PDZD2: variants seen among roughly 807,000 people sequenced by gnomAD.
PDZD2 encodes the protein PDZ domain containing 2, also known as PDZ domain-containing protein 2.
Under a neutral mutation model 220.7 loss-of-function variants are expected in PDZD2, and 90 were observed. The observed-to-expected ratio is 0.41, with a 90% CI of 0.34 to 0.49. PDZD2 has a LOEUF of 0.49. Among genes scored for constraint, PDZD2 ranks in the 20% least tolerant of loss-of-function variants. The pLI, the probability that PDZD2 is intolerant of heterozygous loss-of-function variation, is 0.28. For synonymous variants in PDZD2, 1,375 were observed against 1,450.5 expected, an observed-to-expected ratio of 0.95 and a Z score of 1.18; for missense variants, 3,174 against 3,608.5, an observed-to-expected ratio of 0.88 and a Z score of 3.08.
chr5:31,971,497 A>T (rs912613238), intron 2 of PDZD2, among the ~76,000 whole-genome samples: 1 of 152,238 alleles, frequency 6.6e-6, no homozygotes. Context: ...GGAGGGACAC[A>T]TACACTAAAA....
chr5:31,891,127 C>CT lies in PDZD2; in HGVS notation c.476+91430dup, dbSNP rs869189606. Among the ~76,000 whole-genome samples the CT allele has an allele frequency of 6.8e-3, 654 of 96,410 alleles. 36 individuals carry two copies. Among genetic ancestry groups the CT allele is most frequent in the East Asian group, 0.015 (53 of 3,560 alleles). The allele number at this position is 96,410 out of a possible 152,430, so 63.2% of individuals were successfully genotyped here. On this transcript the variant is annotated intron_variant, in intron 2 of 24. Coordinates refer to ENST00000438447, the MANE Select transcript of PDZD2 (RefSeq NM_178140.4). ...TGTAAGCAAAGCTCAGGGGTTTTTC[C>CT]TTTTTTTTTTTTTTTTTTTTTTTTT...
chr5:32,043,151 G>C (rs545755990), intron 7 of PDZD2, among the ~76,000 whole-genome samples: 215 of 152,318 alleles, frequency 1.4e-3, no homozygotes, highest in Non-Finnish European at 2.6e-3. Context: ...ATATGGGGAG[G>C]GGGCGCTGGA....
chr5:31,975,667 G>C (rs1749683944), intron 2 of PDZD2, among the ~76,000 whole-genome samples: 1 of 152,070 alleles, frequency 6.6e-6, no homozygotes, highest in Non-Finnish European at 1.5e-5. Flanking sequence ...CCTAGGCCTA[G>C]ACTCTGACCT....
intron 24 of PDZD2, among the ~76,000 whole-genome samples, chr5:32,104,119 A>G (rs542131479): frequency 3.3e-5 from 5 of 152,192 alleles, no homozygotes; most frequent in African/African-American, 1.2e-4. Flanking sequence ...TAAAGATGTC[A>G]TTATCTGGCC....
At chr5:31,675,783 A>G (rs919355103) in intron 1 of PDZD2, among the ~76,000 whole-genome samples, 3 of 152,076 alleles carry the variant, frequency 2.0e-5, no homozygotes, top group Admixed American at 2.0e-4. Flanking sequence ...AGCAACGTCC[A>G]CCTCCTGGGC....
At chr5:31,708,848 GATGGC>G (rs1747944789) in intron 1 of PDZD2, among the ~76,000 whole-genome samples, 1 of 151,120 alleles carries the variant, frequency 6.6e-6, no homozygotes, top group African/African-American at 2.4e-5. Flanking sequence ...CTTGGATCTT[GATGGC>G]CTGGGTAGTC....
intron 2 of PDZD2, among the ~76,000 whole-genome samples, chr5:31,962,295 C>T (rs570805878): frequency 1.3e-5 from 2 of 152,290 alleles, no homozygotes; most frequent in South Asian, 2.1e-4. Context: ...AACTCCTCTC[C>T]TTTTGCTCAA....
At chr5:32,085,597 C>T (rs1245424841) in intron 19 of PDZD2, among the ~76,000 whole-genome samples, 4 of 150,374 alleles carry the variant, frequency 2.7e-5, no homozygotes, top group African/African-American at 1.0e-4. Context: ...AGGCGTGTGC[C>T]ACCACACTCA....
At chr5:31,701,038 C>T (rs142934631) in intron 1 of PDZD2, among the ~76,000 whole-genome samples, 329 of 152,328 alleles carry the variant, frequency 2.2e-3, no homozygotes, top group African/African-American at 7.5e-3. Flanking sequence ...GGTGTGCTTC[C>T]AGTGCTGGAG....
At position 31,799,305 on chromosome 5, in the gene PDZD2, G is replaced by T. The variant is rs1315317913; in HGVS notation, c.57G>T (p.Leu19=). 1 of 1,613,922 alleles carries T rather than the reference G, an allele frequency of 6.2e-7. No homozygotes were observed. Among genetic ancestry groups the T allele is most frequent in the Non-Finnish European group, 8.5e-7 (1 of 1,179,846 alleles). ...ACCTGCCCCTCCTCTACCAGTGGCT[G>T]CAGAACAGCCTGCAGGAAGGTGGGG... The part of the protein sequence containing the change: ...VLHLPLLYQW[L]QNSLQEGGDG... The change falls in exon 2 of 25, where the codon CTG becomes CTT. Residue 19 remains leucine (L), a synonymous_variant. Transcript: ENST00000438447.
rs560223065 is a variant in PDZD2, at chr5:32,097,836, A to G, written c.7947+456A>G. Among the ~76,000 whole-genome samples the G allele has an allele frequency of 3.9e-5, 6 of 152,318 alleles. No homozygotes were observed. In the South Asian group the frequency reaches 1.2e-3, roughly 32 times the overall value. ...CCATTGCCTCCTGGATGCCAGGCCCATGTCAGACACTAAAAAGGAGTTAAA... is the reference window on the plus strand; with the variant it reads ...CCATTGCCTCCTGGATGCCAGGCCCGTGTCAGACACTAAAAAGGAGTTAAA... On this transcript the variant is annotated intron_variant, in intron 22 of 24. Transcript: ENST00000438447.
At chr5:31,794,307 C>T (rs981207693) in intron 1 of PDZD2, among the ~76,000 whole-genome samples, 8 of 151,816 alleles carry the variant, frequency 5.3e-5, no homozygotes, top group African/African-American at 1.9e-4. Flanking sequence ...TTGTTTTGTT[C>T]AGGACCCAGC....
intron 7 of PDZD2, among the ~76,000 whole-genome samples, chr5:32,044,852 AT>A (rs1737780090): frequency 1.3e-5 from 2 of 152,230 alleles, no homozygotes; most frequent in South Asian, 4.1e-4. Context: ...ATAGTGGAAG[AT>A]AAGTCTGGAA....
Position 31,799,537 on chromosome 5 carries a change from G to T in PDZD2, c.289G>T (p.Gly97Cys), listed in dbSNP as rs2150229878. ...FGNIPVFGDY[G>C]EKRRGGKKRK... The stretch of plus-strand genomic sequence containing the variant: ...GAACATCCCTGTTTTCGGGGACTAT[G>T]GTGAAAAGCGCAGGGGGGGCAAGAA... The change falls in exon 2 of 25, where the codon GGT becomes TGT. Residue 97 changes from glycine to cysteine, a missense_variant. Physicochemically the swap from Gly to Cys is radical, Grantham distance 159. Transcript: ENST00000438447. 1 of 1,614,126 alleles carries T rather than the reference G, an allele frequency of 6.2e-7. No homozygotes were observed. Among genetic ancestry groups the T allele is most frequent in the South Asian group, 1.1e-5 (1 of 91,076 alleles).
At chr5:32,066,262 T>C (rs1740205419) in intron 14 of PDZD2, among the ~76,000 whole-genome samples, 1 of 152,052 alleles carries the variant, frequency 6.6e-6, no homozygotes, top group Admixed American at 6.6e-5. Flanking sequence ...GGAGAATTGC[T>C]TGAACCTGGG....
chr5:32,031,182 C>T (rs1418387585), intron 6 of PDZD2, among the ~76,000 whole-genome samples: 2 of 152,166 alleles, frequency 1.3e-5, no homozygotes, highest in African/African-American at 4.8e-5. Context: ...TAGCATCTCC[C>T]TACTTTTGTG....
intron 2 of PDZD2, among the ~76,000 whole-genome samples, chr5:31,961,703 G>A (rs931883207): frequency 6.6e-6 from 1 of 152,172 alleles, no homozygotes; most frequent in African/African-American, 2.4e-5. Context: ...GGAGTGTGGT[G>A]GCGCAATCTC....
chr5:32,039,950 G>A (rs1381035550), intron 7 of PDZD2, among the ~76,000 whole-genome samples: 5 of 127,734 alleles, frequency 3.9e-5, no homozygotes, highest in Admixed American at 8.2e-5. Flanking sequence ...CCAGCTGCCC[G>A]AATGGGAAGT....
Position 32,000,030 on chromosome 5 carries a change from C to A in PDZD2, c.1122-109C>A. On this transcript the variant is annotated intron_variant, in intron 4 of 24. Transcript: ENST00000438447. This position sits in a 1 kb window ranked among gnomAD's most constrained non-coding sequence, Gnocchi z 4.5. The stretch of plus-strand genomic sequence containing the variant: ...CTGGCCATCACAGTATCCTCTTTAG[C>A]CCAATCTTAACCGTCCCTCCTCACA... The A allele has an allele frequency of 1.1e-6, 1 of 890,792 alleles. No individual in the cohort carries two copies. Among genetic ancestry groups the A allele is most frequent in the Non-Finnish European group, 1.8e-6 (1 of 564,600 alleles). 55.2% of individuals were successfully genotyped at this position (890,792 alleles called of 1,614,324 possible).
Sources: allele counts gnomAD v4.1 joint callset (sites outside exome capture counted in the v4.1 genomes callset), GRCh38; gene constraint gnomAD v4.1.1; non-coding constraint Gnocchi (gnomAD v3.1); transcripts MANE v1.5; gene names NCBI Gene and HGNC (gene_info 2026-07-23, HGNC 2026-07-21).